Variants in PDXDC1 observed in about 807,000 individuals in gnomAD.
PDXDC1 encodes the protein pyridoxal-dependent decarboxylase domain-containing protein 1.
Under a neutral mutation model 100.1 loss-of-function variants are expected in PDXDC1, and 42 were observed. The ratio of observed to expected loss-of-function variants is 0.42; its 90% CI spans 0.33 to 0.54. PDXDC1 has a LOEUF of 0.54. Ranked by LOEUF, PDXDC1 falls within the 20% of genes least tolerant of loss-of-function variation. The probability of loss-of-function intolerance (pLI) is 0.10; values close to 1 mark genes in which losing one functional copy is unlikely to be tolerated. For synonymous variants in PDXDC1, 260 were observed against 371.7 expected (o/e 0.70, Z 3.46); for missense variants, 636 against 979.2 (o/e 0.65, Z 4.68).
chr16:15,073,475 A>C (rs1394327580), intron 16 of PDXDC1, among the ~76,000 whole-genome samples: 2 of 152,204 alleles, frequency 1.3e-5, no homozygotes, highest in Admixed American at 1.3e-4. Flanking sequence ...AAAGAAAGAC[A>C]GACATTATCC....
chr16:15,064,895 G>A (rs1417954863), intron 16 of PDXDC1, among the ~76,000 whole-genome samples: 6 of 152,176 alleles, frequency 3.9e-5, no homozygotes, highest in East Asian at 1.9e-4. Context: ...GGCCGGGCGC[G>A]GTGGCTCACG....
chr16:15,048,964 G>A (rs559377654), intron 16 of PDXDC1, among the ~76,000 whole-genome samples: 131 of 130,230 alleles, frequency 1.0e-3, no homozygotes, highest in African/African-American at 3.7e-3. Context: ...TCCCTATGCT[G>A]CCCAGGCTGG....
At chr16:15,126,057 T>TG (rs2047703613) in intron 16 of PDXDC1, 6 of 547,556 alleles carry the variant, frequency 1.1e-5, no homozygotes, top group South Asian at 2.0e-5. Context: ...TTTTCTTAGA[T>TG]GGAGTCTCGC....
chr16:15,151,914 A>G, the PDXDC1 span, among the ~76,000 whole-genome samples: 2 of 106,400 alleles, frequency 1.9e-5, no homozygotes, highest in Non-Finnish European at 2.2e-5. Context: ...CTTGGCAACA[A>G]GAGTGAACTC....
chr16:15,039,488 G>C (rs2151684852), downstream of PDXDC1, among the ~76,000 whole-genome samples: 1 of 152,228 alleles, frequency 6.6e-6, no homozygotes, highest in Middle Eastern at 3.4e-3. Flanking sequence ...TAAAATTACA[G>C]TGTAATTTAA....
In PDXDC1 at chr16:14,975,124, G is replaced by T; in HGVS notation, c.-76G>T. ...GGCGCGGGGGACGTCAGCGCTGCCA[G>T]CGTGGAAGGAGCTGCGGGGCGCGGG... On this transcript the variant is annotated 5_prime_UTR_variant, in exon 1 of 23. Coordinates refer to ENST00000396410, the MANE Select transcript of PDXDC1 (RefSeq NM_015027.4). The T allele has an allele frequency of 1.4e-6, 2 of 1,471,200 alleles. No homozygotes were observed. The highest frequency in any genetic ancestry group is 8.9e-7 in the Non-Finnish European group (1 of 1,121,714). The allele number at this position is 1,471,200 out of a possible 1,614,324, so 91.1% of individuals were successfully genotyped here.
Position 15,032,708 on chromosome 16 carries a change from C to T in PDXDC1, c.1572-153C>T, listed in dbSNP as rs1277157075. 7 of 533,218 alleles carry T rather than the reference C, an allele frequency of 1.3e-5. No homozygotes were observed. The Admixed American group carries it at 1.5e-4, about 12-fold the overall frequency. The allele number at this position is 533,218 out of a possible 1,614,324, so 33.0% of individuals were successfully genotyped here. A position where few individuals can be genotyped will look rare whatever the true frequency, so the allele number is the denominator to read the frequency against. On this transcript the variant is annotated intron_variant, in intron 17 of 22. Transcript: ENST00000396410. ...CTTTCTCTTTACTCCTGGCACACTT[C>T]CAGAAAGTTTGTGGTCTGGAGACAC...
chr16:15,073,696 T>C (rs902493271), intron 16 of PDXDC1, among the ~76,000 whole-genome samples: 3 of 152,166 alleles, frequency 2.0e-5, no homozygotes, highest in African/African-American at 2.4e-5. Context: ...GCTGAATATA[T>C]AGGCACAAGT....
chr16:15,080,505 G>A lies in PDXDC1; in HGVS notation c.1399+50449G>A, dbSNP rs1196373406. Among the ~76,000 whole-genome samples, 3 of 152,170 alleles carry A rather than the reference G, an allele frequency of 2.0e-5. No individual in the cohort carries two copies. In the South Asian group the frequency reaches 6.2e-4, roughly 32 times the overall value. ...GATGGCGTACAGTGGTGCAATCATA[G>A]CTCACTGCAACCCTGAATTCCCAGG... On this transcript the variant is annotated intron_variant, in intron 16 of 16. Transcript: ENST00000535621.
chr16:15,092,308 T>C (rs1204227380), intron 16 of PDXDC1, among the ~76,000 whole-genome samples: 3 of 152,244 alleles, frequency 2.0e-5, no homozygotes, highest in Admixed American at 2.0e-4. Flanking sequence ...CTCTCATTAT[T>C]ACCTGTGAAA....
chr16:15,013,575 A>G (rs1218930610), intron 8 of PDXDC1, among the ~76,000 whole-genome samples: 1 of 152,270 alleles, frequency 6.6e-6, no homozygotes, highest in East Asian at 1.9e-4. Context: ...GTTTTGTTGC[A>G]TGTAAATCAT....
At chr16:15,102,880 A>C (rs2046611166) in intron 16 of PDXDC1, among the ~76,000 whole-genome samples, 2 of 149,496 alleles carry the variant, frequency 1.3e-5, no homozygotes, top group Admixed American at 6.6e-5. Context: ...TCAAGGCTAA[A>C]GTGAGCTGAT....
intron 16 of PDXDC1, among the ~76,000 whole-genome samples, chr16:15,129,695 G>A (rs1377359338): frequency 1.3e-5 from 2 of 152,126 alleles, no homozygotes; most frequent in African/African-American, 4.8e-5. Flanking sequence ...CCAGCTAGGA[G>A]CTGTCCTAGT....
chr16:15,103,260 G>A (rs1436111945), intron 16 of PDXDC1: 1 of 588,784 alleles, frequency 1.7e-6, no homozygotes, highest in Non-Finnish European at 3.0e-6. Context: ...TGCTGCCATG[G>A]CCACGACTGT....
intron 16 of PDXDC1, among the ~76,000 whole-genome samples, chr16:15,072,344 C>A (rs1470949085): frequency 6.6e-6 from 1 of 151,980 alleles, no homozygotes; most frequent in Non-Finnish European, 1.5e-5. Flanking sequence ...CAACTCAACC[C>A]TTGGAAAGAA....
At chr16:15,088,737 G>A (rs1269941149) in intron 16 of PDXDC1, among the ~76,000 whole-genome samples, 1 of 152,154 alleles carries the variant, frequency 6.6e-6, no homozygotes, top group Non-Finnish European at 1.5e-5. Flanking sequence ...ACTGAAAAAC[G>A]TTCAGTATGG....
intron 16 of PDXDC1, chr16:15,094,238 C>A (rs745391741): frequency 7.6e-6 from 12 of 1,579,046 alleles, no homozygotes; most frequent in Non-Finnish European, 6.9e-6. Flanking sequence ...CGCCATTGGG[C>A]CGAACTAACG....
At position 15,125,152 on chromosome 16, in the gene PDXDC1, A is replaced by C. The variant is rs1330761170; in HGVS notation, c.1400-13727A>C. The C allele has an allele frequency of 5.4e-4, 12 of 22,162 alleles. No individual in the cohort carries two copies. In the East Asian group the frequency reaches 7.3e-3, roughly 13 times the overall value. The allele number at this position is 22,162 out of a possible 1,614,324, so 1.4% of individuals were successfully genotyped here. A position where few individuals can be genotyped will look rare whatever the true frequency, so the allele number is the denominator to read the frequency against. ...ACAGAATGGAATGAGACTCTGTCTCAAAAAAAAAAAAAAAAAAAAAAAAAA... is the reference window on the plus strand; with the variant it reads ...ACAGAATGGAATGAGACTCTGTCTCCAAAAAAAAAAAAAAAAAAAAAAAAA... On this transcript the variant is annotated intron_variant, in intron 16 of 16. Transcript: ENST00000535621.
intron 16 of PDXDC1, among the ~76,000 whole-genome samples, chr16:15,031,141 G>T (rs1465469248): frequency 3.9e-4 from 31 of 79,366 alleles, no homozygotes; most frequent in South Asian, 5.0e-4. Context: ...TTTTTCCATA[G>T]AGACGTGGTC....
Sources: gnomAD v4.1 joint callset for allele counts (sites outside exome capture counted in the v4.1 genomes callset) on GRCh38, gnomAD v4.1.1 for gene constraint, MANE v1.5 for transcripts, NCBI Gene and HGNC (gene_info 2026-07-23, HGNC 2026-07-21) for gene names.